The following RTEL1 variants were observed in gnomAD, a reference collection of about 807,000 sequenced individuals.
The protein encoded by RTEL1 is regulator of telomere elongation helicase 1.
A neutral mutation model predicts 162.2 loss-of-function variants in RTEL1; 86 were observed. That is an observed-to-expected ratio of 0.53 (90% CI 0.45 to 0.63). The LOEUF is 0.63. Ranked by LOEUF, RTEL1 falls within the 30% of genes least tolerant of loss-of-function variation. The pLI is 0.00. For missense variants in RTEL1, 1,941 were observed against 1,750.2 expected (o/e 1.11, Z -1.95); for synonymous variants, 958 against 717.9 (o/e 1.33, Z -5.35).
Position 63,690,896 on chromosome 20 carries a change from G to A in RTEL1, c.2505G>A (p.Leu835=), listed in dbSNP as rs2090723774. Residue 835 remains leucine, a synonymous_variant, in exon 27 of 35, where the codon CTG becomes CTA. Transcript: ENST00000360203. ...CCCGGCAGAGGCCCAGGGGGCTGCT[G>A]GCCGCCCTGGAGCACAGCGAACAGC... The part of the protein sequence containing the change: ...VPARQRPRGL[L]AALEHSEQRA... 2 of 1,583,576 alleles carry A rather than the reference G, an allele frequency of 1.3e-6. No homozygotes were observed. The highest frequency in any genetic ancestry group is 1.8e-5 in the Admixed American group (1 of 55,770).
chr20:63,663,585 G>C (rs1470183029), intron 6 of RTEL1, among the ~76,000 whole-genome samples: 2 of 151,898 alleles, frequency 1.3e-5, no homozygotes, highest in Non-Finnish European at 1.5e-5. Context: ...GGCTCATCAC[G>C]GGGTCCTAGA....
Position 63,691,900 on chromosome 20 carries a change from G to C in RTEL1, c.2652+63G>C, listed in dbSNP as rs1568715491. 4 of 1,383,426 alleles carry C rather than the reference G, an allele frequency of 2.9e-6. No homozygotes were observed. In the African/African-American group the frequency reaches 5.7e-5, roughly 20 times the overall value. The allele number at this position is 1,383,426 out of a possible 1,614,324, so 85.7% of individuals were successfully genotyped here. ...AGACACGCATGGGAACGCAGCCGTGGGTGCCCCCAGCCACGGCTGGTCCCG... is the reference window on the plus strand; with the variant it reads ...AGACACGCATGGGAACGCAGCCGTGCGTGCCCCCAGCCACGGCTGGTCCCG... On this transcript the variant is annotated intron_variant, in intron 28 of 34. Transcript: ENST00000360203.
chr20:63,666,103 G>T (rs200138199), intron 7 of RTEL1, 24 bp downstream of exon 7: 15 of 1,596,630 alleles, frequency 9.4e-6, no homozygotes, highest in Non-Finnish European at 1.2e-5. Flanking sequence ...GTGAGGCCAC[G>T]ACCACTGTCC....
chr20:63,676,884 G>A (rs560483886), intron 10 of RTEL1, among the ~76,000 whole-genome samples: 17 of 149,688 alleles, frequency 1.1e-4, no homozygotes, highest in South Asian at 4.3e-4. Context: ...GCAGTGAGCC[G>A]AGATCGCACC....
At chr20:63,676,296 G>A (rs576455348) in intron 10 of RTEL1, among the ~76,000 whole-genome samples, 25 of 152,194 alleles carry the variant, frequency 1.6e-4, no homozygotes, top group African/African-American at 2.2e-4. Flanking sequence ...AGCCCAGGCC[G>A]TTTACCCTGC....
At chr20:63,693,095 C>T in intron 29 of RTEL1, 48 bp from the exon 30 acceptor site, 2 of 1,611,876 alleles carry the variant, frequency 1.2e-6, no homozygotes, top group Non-Finnish European at 1.7e-6. Flanking sequence ...GGTCTCTGTT[C>T]TCTAGAGAAA....
At chr20:63,666,984 T>C (rs367922918) in intron 7 of RTEL1, among the ~76,000 whole-genome samples, 1,890 of 151,926 alleles carry the variant, frequency 0.012, 31 homozygotes, top group African/African-American at 0.04. Context: ...GGACTACAGG[T>C]GCCCGCCACC....
At chr20:63,667,718 T>C (rs1430128667) in intron 8 of RTEL1, among the ~76,000 whole-genome samples, 165 bp downstream of exon 8, 13 of 151,984 alleles carry the variant, frequency 8.6e-5, no homozygotes, top group Admixed American at 8.5e-4. Context: ...CCAGACACAC[T>C]TGTGAGCAGC....
intron 8 of RTEL1, among the ~76,000 whole-genome samples, chr20:63,669,135 A>T (rs1170767176): frequency 6.6e-6 from 1 of 152,150 alleles, no homozygotes; most frequent in African/African-American, 2.4e-5. Context: ...GGCGTGCGCC[A>T]CCATGCCTGG....
chr20:63,693,290 G>A lies in RTEL1; in HGVS notation c.2992+7G>A. ...CCGGTCCTGGACCCCACTGGTAAAT[G>A]GGGCCCCAGGTGGGACCCTCAGACT... On this transcript the variant is annotated splice_region_variant and intron_variant, in intron 30 of 34. Coordinates refer to ENST00000360203, the MANE Select transcript of RTEL1 (RefSeq NM_001283009.2). 1 of 1,611,396 alleles carries A rather than the reference G, an allele frequency of 6.2e-7. No homozygotes were observed.
In RTEL1 at chr20:63,690,204, G is replaced by T. The variant is rs566601460; in HGVS notation, c.2259G>T (p.Glu753Asp). 6.2e-7 allele frequency: 1 copy of T among 1,612,336 alleles called. No homozygotes were observed. Among genetic ancestry groups the T allele is most frequent in the East Asian group, 2.2e-5 (1 of 44,880 alleles). Residue 753 changes from glutamate (E) to aspartate (D), a missense_variant, in exon 25 of 35, where the codon GAG becomes GAT. Coordinates refer to ENST00000360203, the MANE Select transcript of RTEL1 (RefSeq NM_001283009.2). The part of the protein sequence containing the change: ...RDVAQFFRVA[E>D]RTMPAPAPRA... ...TGGCCCAGTTCTTCCGTGTTGCCGA[G>T]CGAACTGTGAGTTCCTGCCCAGGGA...
At chr20:63,693,493 C>G (rs1245567247) in intron 30 of RTEL1, among the ~76,000 whole-genome samples, 3 of 91,114 alleles carry the variant, frequency 3.3e-5, no homozygotes, top group South Asian at 4.4e-4. Context: ...ACCACCACCT[C>G]CACCTCCACC....
At chr20:63,666,124 C>A (rs756398185) in intron 7 of RTEL1, 45 bp downstream of exon 7, 2 of 1,506,366 alleles carry the variant, frequency 1.3e-6, no homozygotes, top group Non-Finnish European at 1.8e-6. Context: ...TTCCATGGCC[C>A]AGCTCTCCTG....
rs754225573 is a variant in RTEL1, at chr20:63,688,533, C to T, written c.1728C>T (p.Arg576=). The T allele has an allele frequency of 1.2e-5, 19 of 1,610,412 alleles. No individual in the cohort carries two copies. The highest frequency in any genetic ancestry group is 1.7e-5 in the Admixed American group (1 of 59,776). The stretch of plus-strand genomic sequence containing the variant: ...CCTGCCTCTTCCTCCCACAGGCCCG[C>T]GACTTGGCCAGGAAGATGGAGGCGC... The part of the protein sequence containing the change: ...MEKSLEFWRA[R]DLARKMEALK... The change falls in exon 21 of 35, where the codon CGC becomes CGT. Residue 576 remains arginine (R), a synonymous_variant. Coordinates refer to ENST00000360203, the MANE Select transcript of RTEL1 (RefSeq NM_001283009.2).
chr20:63,689,391 C>A, intron 22 of RTEL1, 111 bp from the exon 23 acceptor site: 1 of 1,292,720 alleles, frequency 7.7e-7, no homozygotes, highest in Non-Finnish European at 1.0e-6. Context: ...GATGGAGCTT[C>A]CTCCCACCCC....
At chr20:63,678,627 C>T (rs1244287518) in intron 12 of RTEL1, among the ~76,000 whole-genome samples, 3 of 133,278 alleles carry the variant, frequency 2.3e-5, no homozygotes, top group Admixed American at 7.8e-5. Flanking sequence ...CACACTCCCA[C>T]GAACAGCACA....
At chr20:63,692,130 C>T (rs758505964) in intron 28 of RTEL1, 2 of 375,868 alleles carry the variant, frequency 5.3e-6, no homozygotes, top group Non-Finnish European at 9.9e-6. Context: ...GCACACCTGC[C>T]TCATGTGAGG....
intron 26 of RTEL1, 85 bp downstream of exon 26, chr20:63,690,526 A>T: frequency 7.0e-7 from 1 of 1,421,780 alleles, no homozygotes. Context: ...CCCAGGGCGG[A>T]GGCGACTCAC....
Position 63,690,361 on chromosome 20 carries a change from A to G in RTEL1, c.2333A>G (p.Lys778Arg), listed in dbSNP as rs776285014. ...GGAGAAGATGCTGTCAGCGAGGCCA[A>G]GTCGCCTGGCCCCTTCTTCTCCACC... Reference protein sequence around the residue: ...VRGEDAVSEAKSPGPFFSTRK... With the variant: ...VRGEDAVSEARSPGPFFSTRK... Residue 778 changes from lysine to arginine, a missense_variant, in exon 26 of 35, where the codon AAG becomes AGG. Physicochemically the swap from Lys to Arg is conservative, Grantham distance 26. Transcript: ENST00000360203. The G allele has an allele frequency of 2.5e-6, 4 of 1,611,690 alleles. No homozygotes were observed. The highest frequency in any genetic ancestry group is 3.4e-6 in the Non-Finnish European group (4 of 1,179,454).
Sources: allele counts gnomAD v4.1 joint callset (sites outside exome capture counted in the v4.1 genomes callset), GRCh38; gene constraint gnomAD v4.1.1; transcripts MANE v1.5; gene names NCBI Gene and HGNC (gene_info 2026-07-23, HGNC 2026-07-21).